Variants in DLC1 observed in about 807,000 individuals in gnomAD.
DLC1 encodes the protein rho GTPase-activating protein 7.
DLC1 carries 54 observed loss-of-function variants against 140.3 expected under a neutral mutation model. The observed-to-expected ratio is 0.38, with a 90% CI of 0.31 to 0.48. The LOEUF is 0.48. Ranked by LOEUF, DLC1 falls within the 20% of genes least tolerant of loss-of-function variation. The probability of loss-of-function intolerance (pLI) is 0.96; values close to 1 mark genes in which losing one functional copy is unlikely to be tolerated. For synonymous variants in DLC1, 986 were observed against 728.1 expected, an observed-to-expected ratio of 1.35 and a Z score of -5.70; for missense variants, 2,536 against 1,907.0, an observed-to-expected ratio of 1.33 and a Z score of -6.14.
chr8:13,438,123 G>C (rs543225220), intron 2 of DLC1, among the ~76,000 whole-genome samples: 1 of 150,340 alleles, frequency 6.7e-6, no homozygotes, highest in African/African-American at 2.4e-5. Context: ...AATTCCAGTT[G>C]CCCATTAGAG....
rs537675496 is a variant in DLC1 at position 13,599,777 on chromosome 8, C to G, written c.-126+4760G>C. Among the ~76,000 whole-genome samples, 13 of 151,762 alleles carry G rather than the reference C, an allele frequency of 8.6e-5. No individual in the cohort carries two copies. In the South Asian group the frequency reaches 2.7e-3, roughly 31 times the overall value. ...GGTGTGGAATGGACAAGTTGATTCT[C>G]AATAGGGAAATGCAAAGGTCCTTTA... On this transcript the variant is annotated intron_variant, in intron 1 of 1. Coordinates refer to the DLC1 transcript ENST00000631382.
intron 1 of DLC1, among the ~76,000 whole-genome samples, chr8:13,511,804 T>G (rs941884081): frequency 6.6e-6 from 1 of 152,150 alleles, no homozygotes; most frequent in Non-Finnish European, 1.5e-5. Context: ...ACTGTAATAG[T>G]TTTTAAAGAG....
intron 7 of DLC1, among the ~76,000 whole-genome samples, chr8:13,103,441 C>T (rs970603371): frequency 6.6e-6 from 1 of 152,016 alleles, no homozygotes; most frequent in African/African-American, 2.4e-5. Flanking sequence ...TGTCAAGTCT[C>T]TCTGATTCTT....
intron 2 of DLC1, among the ~76,000 whole-genome samples, chr8:13,489,716 A>G (rs993971051): frequency 6.6e-6 from 1 of 152,196 alleles, no homozygotes; most frequent in Non-Finnish European, 1.5e-5. Context: ...TTCTAGGCAT[A>G]GTGAAGAATC....
chr8:13,122,493 GAA>G (rs538131717), intron 5 of DLC1, among the ~76,000 whole-genome samples: 4,174 of 147,900 alleles, frequency 0.028, 121 homozygotes, highest in Middle Eastern at 0.11. Flanking sequence ...AGAAGGAAAA[GAA>G]AAAAAAAAAT....
At chr8:13,152,666 G>A (rs147100230) in intron 5 of DLC1, among the ~76,000 whole-genome samples, 2 of 151,796 alleles carry the variant, frequency 1.3e-5, no homozygotes, top group African/African-American at 4.8e-5. Flanking sequence ...AATTAGCCAG[G>A]GACAGTGGCT....
chr8:13,296,015 C>A (rs527824289), intron 5 of DLC1, among the ~76,000 whole-genome samples: 1 of 114,534 alleles, frequency 8.7e-6, no homozygotes, highest in South Asian at 3.0e-4. Context: ...TGCAGTAGGG[C>A]GATCTTGGCT....
At chr8:13,389,470 T>A (rs1836659244) in intron 4 of DLC1, among the ~76,000 whole-genome samples, 1 of 152,104 alleles carries the variant, frequency 6.6e-6, no homozygotes, top group African/African-American at 2.4e-5. Context: ...CAAAACAATT[T>A]AGGAGAGAAA....
chr8:13,479,241 A>G (rs1165759779), intron 2 of DLC1, among the ~76,000 whole-genome samples: 2 of 152,236 alleles, frequency 1.3e-5, no homozygotes, highest in Non-Finnish European at 2.9e-5. Flanking sequence ...TAAGAAAGTT[A>G]AAAATATGAC....
At chr8:13,462,831 G>GAAGA (rs1799735305) in intron 2 of DLC1, among the ~76,000 whole-genome samples, 1 of 152,222 alleles carries the variant, frequency 6.6e-6, no homozygotes, top group Non-Finnish European at 1.5e-5. Context: ...ACAAGGTAGT[G>GAAGA]AAGAGCTCAC....
chr8:13,563,676 G>A (rs867690551), intron 1 of DLC1, among the ~76,000 whole-genome samples: 11 of 152,226 alleles, frequency 7.2e-5, no homozygotes, highest in Middle Eastern at 6.8e-3. Context: ...CATTAAAAAT[G>A]TGCATACATT....
chr8:13,182,783 A>G (rs1170065726), intron 5 of DLC1, among the ~76,000 whole-genome samples: 3 of 152,208 alleles, frequency 2.0e-5, no homozygotes, highest in Admixed American at 6.5e-5. Context: ...CTTTTTGCTT[A>G]GGATTGTCTT....
Position 13,110,294 on chromosome 8 carries a change from C to G in DLC1, c.1502+448G>C, listed in dbSNP as rs144506129. Reference sequence around the variant, plus strand: ...AAGACCATGCTGAGTTATTTTATAGCCTTATTTCGTCCTATCATTATTTTA... The same window carrying G: ...AAGACCATGCTGAGTTATTTTATAGGCTTATTTCGTCCTATCATTATTTTA... On this transcript the variant is annotated intron_variant, in intron 7 of 17. Coordinates refer to ENST00000276297, the MANE Select transcript of DLC1 (RefSeq NM_182643.3). 2.0e-5 allele frequency among the ~76,000 whole-genome samples: 3 copies of G among 152,220 alleles called. No individual in the cohort carries two copies. In the East Asian group the frequency reaches 5.8e-4, roughly 29 times the overall value.
intron 2 of DLC1, among the ~76,000 whole-genome samples, chr8:13,444,422 C>T (rs1406847041): frequency 1.3e-5 from 2 of 152,020 alleles, no homozygotes; most frequent in Non-Finnish European, 2.9e-5. Flanking sequence ...ACATTATGCA[C>T]ATGTACTCTA....
intron 5 of DLC1, among the ~76,000 whole-genome samples, chr8:13,237,199 G>GTGTT (rs796409614): frequency 1.1e-5 from 1 of 89,396 alleles, no homozygotes; most frequent in Non-Finnish European, 2.2e-5. Context: ...ATATATATAT[G>GTGTT]TGTGTGTGTG....
At chr8:13,107,910 G>A (rs1316070479) in intron 7 of DLC1, among the ~76,000 whole-genome samples, 1 of 152,146 alleles carries the variant, frequency 6.6e-6, no homozygotes, top group Non-Finnish European at 1.5e-5. Flanking sequence ...GCTGGGCGTG[G>A]TGGTGGGTGC....
intron 5 of DLC1, among the ~76,000 whole-genome samples, chr8:13,118,928 G>A (rs924791241): frequency 2.0e-5 from 3 of 152,088 alleles, no homozygotes; most frequent in African/African-American, 4.8e-5. Context: ...GGAGCTCCAC[G>A]TGTAAAGAAT....
intron 5 of DLC1, among the ~76,000 whole-genome samples, chr8:13,122,889 C>T (rs561009958): frequency 6.6e-6 from 1 of 151,510 alleles, no homozygotes; most frequent in South Asian, 2.1e-4. Context: ...CAATAGCTAA[C>T]TCAAATCTAC....
chr8:13,383,236 G>A (rs555702888), intron 4 of DLC1, among the ~76,000 whole-genome samples: 1 of 152,162 alleles, frequency 6.6e-6, no homozygotes, highest in African/African-American at 2.4e-5. Context: ...TATGTGCCCT[G>A]TTGTTTTTCA....
Sources: allele counts gnomAD v4.1 joint callset (sites outside exome capture counted in the v4.1 genomes callset), GRCh38; gene constraint gnomAD v4.1.1; transcripts MANE v1.5; gene names NCBI Gene and HGNC (gene_info 2026-07-23, HGNC 2026-07-21).